Variants in PTPRN2 observed in about 807,000 individuals in gnomAD.
The protein encoded by PTPRN2 is protein tyrosine phosphatase receptor type N2.
A neutral mutation model predicts 118.8 loss-of-function variants in PTPRN2; 74 were observed. The ratio of observed to expected loss-of-function variants is 0.62; its 90% CI spans 0.52 to 0.76. The LOEUF is 0.76. Ranked by LOEUF, PTPRN2 falls within the 30% of genes least tolerant of loss-of-function variation. PTPRN2 has a pLI of 0.00. For missense variants in PTPRN2, 1,481 were observed against 1,394.4 expected, an observed-to-expected ratio of 1.06 and a Z score of -0.99; for synonymous variants, 641 against 608.0, an observed-to-expected ratio of 1.05 and a Z score of -0.80.
intron 2 of PTPRN2, among the ~76,000 whole-genome samples, chr7:158,400,550 T>C (rs1219582723): frequency 1.3e-5 from 2 of 152,202 alleles, no homozygotes. Flanking sequence ...TGCATCATTA[T>C]GAAGCCAACA....
intron 12 of PTPRN2, among the ~76,000 whole-genome samples, chr7:157,839,951 T>G (rs980343529): frequency 6.6e-6 from 1 of 150,806 alleles, no homozygotes; most frequent in Non-Finnish European, 1.5e-5. Context: ...TGCGTGTGAC[T>G]GTGTGGCCAC....
chr7:158,539,157 A>G (rs1392688141), intron 1 of PTPRN2, among the ~76,000 whole-genome samples: 2 of 152,224 alleles, frequency 1.3e-5, no homozygotes, highest in Non-Finnish European at 2.9e-5. Flanking sequence ...TCCCTGAACT[A>G]TGTCTTCAAT....
chr7:157,886,234 CG>C (rs560922608), intron 12 of PTPRN2, among the ~76,000 whole-genome samples: 166 of 152,238 alleles, frequency 1.1e-3, no homozygotes, highest in Non-Finnish European at 2.1e-3. Flanking sequence ...AGGCACAAGG[CG>C]GGCCTCCGTT....
In PTPRN2 at chr7:157,590,101, G is replaced by A. The variant is rs112705797; in HGVS notation, c.2496+5137C>T. Among the ~76,000 whole-genome samples, 5 of 152,268 alleles carry A rather than the reference G, an allele frequency of 3.3e-5. No individual in the cohort carries two copies. The highest frequency in any genetic ancestry group is 4.8e-5 in the African/African-American group (2 of 41,548). ...TCCCAGAATGACCAGCAGAGAGGAC[G>A]GTGGACATGTTTCTTCCTAAGATCT... is the stretch of plus-strand genomic sequence containing the variant. On this transcript the variant is annotated intron_variant, in intron 17 of 22. Transcript: ENST00000389418. The surrounding 1 kb of genome is among the most constrained non-coding windows in gnomAD (Gnocchi z 4.0).
In PTPRN2 at chr7:157,682,847, G is replaced by A. The variant is rs1796978701; in HGVS notation, c.1879C>T (p.Leu627=). The A allele has an allele frequency of 1.9e-6, 3 of 1,613,840 alleles. No homozygotes were observed. The highest frequency in any genetic ancestry group is 1.1e-5 in the South Asian group (1 of 91,084). ...ALTLVSLACI[L]GVLLASGLIY... is the part of the protein sequence containing the mutation. ...AGGCCAGAGGCCAGGAGGACGCCCA[G>A]GATGCAGGCGAGGGAGACCAGGGTG... is the stretch of plus-strand genomic sequence containing the variant. Residue 627 remains leucine (L), a synonymous_variant, in exon 13 of 23, where the codon CTG becomes TTG. Coordinates refer to ENST00000389418, the MANE Select transcript of PTPRN2 (RefSeq NM_002847.5).
chr7:158,118,401 C>T (rs567772627), intron 9 of PTPRN2, among the ~76,000 whole-genome samples: 14 of 151,996 alleles, frequency 9.2e-5, no homozygotes, highest in South Asian at 4.2e-4. Context: ...CTACATAATA[C>T]GTACAAAAAG....
At chr7:158,198,692 TCTTCTCAGGTTCTGG>T (rs1826403520) in intron 4 of PTPRN2, among the ~76,000 whole-genome samples, 1 of 151,460 alleles carries the variant, frequency 6.6e-6, no homozygotes. Context: ...CTTAGCATGT[TCTTCTCAGGTTCTGG>T]CTTCTCAGGT....
chr7:158,434,836 T>G (rs974247952), intron 2 of PTPRN2, among the ~76,000 whole-genome samples: 1 of 152,192 alleles, frequency 6.6e-6, no homozygotes, highest in African/African-American at 2.4e-5. Flanking sequence ...ACACGGGACC[T>G]TGATTTATCA....
rs573206533 is a variant in PTPRN2 at position 158,365,672 on chromosome 7, C to G, written c.164-48740G>C. On this transcript the variant is annotated intron_variant, in intron 2 of 22. Transcript: ENST00000389418. Reference sequence around the variant, plus strand: ...CAATGCACACGCACACACACAGCATCCCTGGGAGAAGCCGCAGCCCAATGC... The same window carrying G: ...CAATGCACACGCACACACACAGCATGCCTGGGAGAAGCCGCAGCCCAATGC... Among the ~76,000 whole-genome samples the G allele has an allele frequency of 2.0e-5, 3 of 150,340 alleles. No homozygotes were observed. In the East Asian group the frequency reaches 5.9e-4, roughly 30 times the overall value.
intron 2 of PTPRN2, among the ~76,000 whole-genome samples, chr7:158,428,370 C>T (rs1444852515): frequency 6.6e-6 from 1 of 152,118 alleles, no homozygotes; most frequent in African/African-American, 2.4e-5. Context: ...CGGGGGAACC[C>T]TTAGGGAAGT....
At chr7:157,748,411 G>T (rs1176614884) in intron 12 of PTPRN2, among the ~76,000 whole-genome samples, 1 of 140,718 alleles carries the variant, frequency 7.1e-6, no homozygotes, top group African/African-American at 2.8e-5. Context: ...CTGAGCTGCG[G>T]GGTTTCTCGG....
intron 1 of PTPRN2, among the ~76,000 whole-genome samples, chr7:158,490,193 G>A (rs1231631897): frequency 6.6e-6 from 1 of 152,244 alleles, no homozygotes; most frequent in Non-Finnish European, 1.5e-5. Context: ...GCTGCCGGGC[G>A]CCGGGGAGCG....
At chr7:158,142,230 G>A (rs1819454369) in intron 6 of PTPRN2, among the ~76,000 whole-genome samples, 1 of 152,206 alleles carries the variant, frequency 6.6e-6, no homozygotes, top group African/African-American at 2.4e-5. Flanking sequence ...GCCTCTGTGG[G>A]CTCAGACTCC....
chr7:158,169,049 A>T (rs1260556298), intron 5 of PTPRN2, among the ~76,000 whole-genome samples: 1 of 152,102 alleles, frequency 6.6e-6, no homozygotes, highest in African/African-American at 2.4e-5. Flanking sequence ...GGGGCACATG[A>T]TCAATGTCAT....
At chr7:157,715,241 A>G (rs1345359326) in intron 12 of PTPRN2, among the ~76,000 whole-genome samples, 1 of 152,202 alleles carries the variant, frequency 6.6e-6, no homozygotes, top group African/African-American at 2.4e-5. Context: ...CGTGCGCCCA[A>G]GAGGAGGGTC....
chr7:158,033,075 T>C (rs146769453), intron 11 of PTPRN2, among the ~76,000 whole-genome samples: 86 of 152,168 alleles, frequency 5.7e-4, no homozygotes, highest in African/African-American at 2.0e-3. Context: ...GAAATAAGAA[T>C]TTGCTCTGGA....
At chr7:158,143,235 A>T (rs1392170470) in intron 6 of PTPRN2, among the ~76,000 whole-genome samples, 4 of 152,210 alleles carry the variant, frequency 2.6e-5, no homozygotes, top group Non-Finnish European at 5.9e-5. Flanking sequence ...TGTCTGGAAA[A>T]GTAGGCGGCC....
At chr7:158,343,718 C>T (rs906110105) in intron 2 of PTPRN2, among the ~76,000 whole-genome samples, 1 of 150,546 alleles carries the variant, frequency 6.6e-6, no homozygotes, top group Non-Finnish European at 1.5e-5. Flanking sequence ...GCTCGTGGCA[C>T]GTGGGCTGTC....
rs528699290 is a variant in PTPRN2, at chr7:157,637,435, G to A, written c.2197-15926C>T. Among the ~76,000 whole-genome samples the A allele has an allele frequency of 1.1e-4, 17 of 152,302 alleles. No homozygotes were observed. The South Asian group carries it at 2.9e-3, about 26-fold the overall frequency. ...TGGGTGGGGGAATCGGGGTGGCTCA[G>A]CAGCAACATCCACACCAGCCTCCAG... On this transcript the variant is annotated intron_variant, in intron 14 of 22. Transcript: ENST00000389418.
Sources: gnomAD v4.1 joint callset for allele counts (sites outside exome capture counted in the v4.1 genomes callset) on GRCh38, gnomAD v4.1.1 for gene constraint, Gnocchi (gnomAD v3.1) non-coding constraint, MANE v1.5 for transcripts, NCBI Gene and HGNC (gene_info 2026-07-23, HGNC 2026-07-21) for gene names.